The following EXT2 variants were observed in gnomAD, a reference collection of about 807,000 sequenced individuals.
The protein encoded by EXT2 is exostosin glycosyltransferase 2, also known as exostosin-2.
EXT2 carries 53 observed loss-of-function variants against 81.6 expected under a neutral mutation model. The observed-to-expected ratio is 0.65, with a 90% CI of 0.52 to 0.82. The LOEUF (loss-of-function observed/expected upper bound fraction) is 0.82. Ranked by LOEUF, EXT2 falls within the 40% of genes least tolerant of loss-of-function variation. The pLI is 0.00. For missense variants in EXT2, 774 were observed against 910.2 expected (o/e 0.85, Z 1.93); for synonymous variants, 320 against 340.0 (o/e 0.94, Z 0.65).
chr11:44,243,565 C>CAATGTTGGTTGAATGAATG (rs1956061065), intron 13 of EXT2, among the ~76,000 whole-genome samples: 2 of 146,698 alleles, frequency 1.4e-5, no homozygotes, highest in Non-Finnish European at 3.0e-5. Flanking sequence ...GGCCCTCTGT[C>CAATGTTGGTTGAATGAATG]AATGTTGGTT....
rs1328439446 is a variant in EXT2, at chr11:44,220,845, G to A, written c.1663-11508G>A. On this transcript the variant is annotated intron_variant, in intron 10 of 13. Coordinates refer to ENST00000533608, the MANE Select transcript of EXT2 (RefSeq NM_207122.2). This position sits in a 1 kb window ranked among gnomAD's most constrained non-coding sequence, Gnocchi z 4.4. ...GCCCAGGGAGGTGCTGAAGGAAGCC[G>A]CAGTAAAGCCTGACCTCTCAGAGCT... is the stretch of plus-strand genomic sequence containing the variant. 6.6e-6 allele frequency among the ~76,000 whole-genome samples: 1 copy of A among 152,166 alleles called. No individual in the cohort carries two copies. The highest frequency in any genetic ancestry group is 2.4e-5 in the African/African-American group (1 of 41,440).
chr11:44,211,714 G>A (rs895795193), intron 10 of EXT2, among the ~76,000 whole-genome samples: 1 of 152,124 alleles, frequency 6.6e-6, no homozygotes, highest in Non-Finnish European at 1.5e-5. Flanking sequence ...CAGTAAGGTG[G>A]CTATAGTTAA....
Position 44,171,686 on chromosome 11 carries a change from C to T in EXT2, c.1249C>T (p.Arg417Trp), listed in dbSNP as rs540229057. The T allele has an allele frequency of 4.8e-5, 77 of 1,614,102 alleles. No individual in the cohort carries two copies. Among genetic ancestry groups the T allele is most frequent in the Middle Eastern group, 1.6e-4 (1 of 6,062 alleles). The change falls in exon 8 of 14, where the codon CGG becomes TGG. Residue 417 changes from arginine to tryptophan, a missense_variant. Around this residue, in one of 2 missense-constraint regions of EXT2, gnomAD observed 626 missense variants for 670.5 expected, o/e 0.93. Coordinates refer to ENST00000533608, the MANE Select transcript of EXT2 (RefSeq NM_207122.2). Reference sequence around the variant, plus strand: ...GGCCACCCTGCAGATTATCAATGACCGGATCTATCCATATGCTGCCATCTC... The same window carrying T: ...GGCCACCCTGCAGATTATCAATGACTGGATCTATCCATATGCTGCCATCTC... Reference protein sequence around the residue: ...ALATLQIINDRIYPYAAISYE... With the variant: ...ALATLQIINDWIYPYAAISYE...
At chr11:44,119,175 TACACAC>T (rs151028121) in intron 4 of EXT2, among the ~76,000 whole-genome samples, 6 of 105,724 alleles carry the variant, frequency 5.7e-5, no homozygotes, top group Non-Finnish European at 9.7e-5. Context: ...TATATACACA[TACACAC>T]ACACACACAC....
intron 8 of EXT2, among the ~76,000 whole-genome samples, chr11:44,196,421 T>C (rs950126531): frequency 1.3e-5 from 2 of 152,212 alleles, no homozygotes; most frequent in African/African-American, 2.4e-5. Flanking sequence ...CTTTGATAGA[T>C]TTACTTCTCC....
At chr11:44,129,602 T>C (rs1486892965) in intron 6 of EXT2, among the ~76,000 whole-genome samples, 1 of 152,248 alleles carries the variant, frequency 6.6e-6, no homozygotes. Context: ...AGGGCTTCCA[T>C]AAATATATGC....
chr11:44,198,034 GC>G lies in EXT2; in HGVS notation c.1495+18del. On this transcript the variant is annotated intron_variant, in intron 9 of 13. Coordinates refer to ENST00000533608, the MANE Select transcript of EXT2 (RefSeq NM_207122.2). Reference sequence around the variant, plus strand: ...CCTCCAGAAGGTAAGAAGCCTTAGTGCCTCTCTCAGCTGGATCAATTTTGGA... The same window carrying G: ...CCTCCAGAAGGTAAGAAGCCTTAGTGCTCTCTCAGCTGGATCAATTTTGGA... The G allele has an allele frequency of 6.2e-7, 1 of 1,613,570 alleles. No homozygotes were observed. The highest frequency in any genetic ancestry group is 8.5e-7 in the Non-Finnish European group (1 of 1,179,552).
At chr11:44,227,441 C>A (rs950281165) in intron 10 of EXT2, among the ~76,000 whole-genome samples, 1 of 152,180 alleles carries the variant, frequency 6.6e-6, no homozygotes, top group African/African-American at 2.4e-5. Context: ...CATCAGAATT[C>A]ACTTAATCCA....
chr11:44,186,173 A>AT (rs1156767684), intron 8 of EXT2, among the ~76,000 whole-genome samples: 1 of 152,218 alleles, frequency 6.6e-6, no homozygotes, highest in Non-Finnish European at 1.5e-5. Flanking sequence ...CTGAACTGTT[A>AT]TTTTTAACAT....
intron 12 of EXT2, among the ~76,000 whole-genome samples, chr11:44,235,670 T>C (rs1048462849): frequency 2.6e-5 from 4 of 152,170 alleles, no homozygotes; most frequent in Non-Finnish European, 5.9e-5. Context: ...TTCCCTTCCA[T>C]CTCTTCACTG....
chr11:44,216,390 C>T (rs1428499105), intron 10 of EXT2, among the ~76,000 whole-genome samples: 1 of 152,158 alleles, frequency 6.6e-6, no homozygotes, highest in Non-Finnish European at 1.5e-5. Flanking sequence ...ATGTCAGATT[C>T]CTTCACTTTC....
At chr11:44,236,196 C>A in intron 12 of EXT2, 97 bp from the exon 13 acceptor site, 2 of 1,076,060 alleles carry the variant, frequency 1.9e-6, no homozygotes, top group Non-Finnish European at 2.9e-6. Context: ...TGCAACATCT[C>A]AGCTTACAAC....
intron 1 of EXT2, among the ~76,000 whole-genome samples, chr11:44,100,337 C>A (rs1953963652): frequency 6.6e-6 from 1 of 152,170 alleles, no homozygotes; most frequent in African/African-American, 2.4e-5. Flanking sequence ...GAATCACTCA[C>A]CCTCAGTTGG....
At chr11:44,182,767 A>G (rs1206447421) in intron 8 of EXT2, among the ~76,000 whole-genome samples, 1 of 152,244 alleles carries the variant, frequency 6.6e-6, no homozygotes, top group African/African-American at 2.4e-5. Flanking sequence ...GAAATCGTCA[A>G]GACATAAACA....
intron 8 of EXT2, among the ~76,000 whole-genome samples, chr11:44,173,603 C>G (rs1317440580): frequency 2.2e-4 from 27 of 121,638 alleles, no homozygotes; most frequent in African/African-American, 7.6e-4. Flanking sequence ...GAGTCTCGCT[C>G]TGTCGCCCAG....
chr11:44,123,876 T>C (rs1464290492), intron 4 of EXT2, among the ~76,000 whole-genome samples: 1 of 151,546 alleles, frequency 6.6e-6, no homozygotes, highest in Non-Finnish European at 1.5e-5. Flanking sequence ...TGTGTTTCCA[T>C]ATCTGTCTCT....
intron 1 of EXT2, chr11:44,096,194 C>T (rs1325141848): frequency 3.4e-6 from 5 of 1,488,378 alleles, no homozygotes; most frequent in South Asian, 1.2e-5. Flanking sequence ...CCGCCGTGAC[C>T]CCTCCCTTCC....
rs574219596 is a variant in EXT2, at chr11:44,246,165, T to C, written c.*1878T>C. On this transcript the variant is annotated 3_prime_UTR_variant, in exon 14 of 14. Coordinates refer to ENST00000533608, the MANE Select transcript of EXT2 (RefSeq NM_207122.2). ...ACAAGCACAGTGAGGACCTCTAATC[T>C]TTCTAGGGGTTTTCTAGTTTGTTTT... Among the ~76,000 whole-genome samples the C allele has an allele frequency of 6.6e-6, 1 of 152,162 alleles. No homozygotes were observed. Among genetic ancestry groups the C allele is most frequent in the Non-Finnish European group, 1.5e-5 (1 of 68,026 alleles).
chr11:44,160,718 A>G (rs1335443824), intron 7 of EXT2, among the ~76,000 whole-genome samples: 1 of 152,188 alleles, frequency 6.6e-6, no homozygotes, highest in African/African-American at 2.4e-5. Flanking sequence ...GGTAATGGGA[A>G]GAGCTCTGCT....
Sources: gnomAD v4.1 joint callset for allele counts (sites outside exome capture counted in the v4.1 genomes callset) on GRCh38, gnomAD v4.1.1 for gene constraint, gnomAD v4.1.1 regional missense constraint, Gnocchi (gnomAD v3.1) non-coding constraint, MANE v1.5 for transcripts, NCBI Gene and HGNC (gene_info 2026-07-23, HGNC 2026-07-21) for gene names.